The following FGD1 variants were observed in gnomAD, a reference collection of about 807,000 sequenced individuals.
FGD1 encodes FYVE, RhoGEF and PH domain-containing protein 1.
In FGD1, 12 loss-of-function variants were observed where a neutral mutation model predicts 65.0. That is an observed-to-expected ratio of 0.18 (90% CI 0.12 to 0.30). FGD1 has a LOEUF of 0.30. Ranked by LOEUF, FGD1 falls within the 10% of genes least tolerant of loss-of-function variation. FGD1 has a pLI of 1.00. For missense variants in FGD1, 542 were observed against 837.6 expected, an observed-to-expected ratio of 0.65 and a Z score of 4.36; for synonymous variants, 333 against 343.9, an observed-to-expected ratio of 0.97 and a Z score of 0.35.
intron 1 of FGD1, among the ~76,000 whole-genome samples, chrX:54,481,724 T>A (rs1250605548): frequency 9.4e-6 from 1 of 106,209 alleles, no homozygotes; most frequent in Non-Finnish European, 1.9e-5. Context: ...TTTTTTTAGG[T>A]ATAGATGGAC....
chrX:54,457,140 C>G, intron 8 of FGD1, among the ~76,000 whole-genome samples: 1 of 111,495 alleles, frequency 9.0e-6, no homozygotes, highest in Non-Finnish European at 1.9e-5. Flanking sequence ...TTAATAATAA[C>G]AATAATAGTT....
intron 1 of FGD1, among the ~76,000 whole-genome samples, chrX:54,486,229 G>C (rs762640544): frequency 4.6e-5 from 5 of 109,383 alleles, no homozygotes; most frequent in Non-Finnish European, 9.5e-5. Context: ...TGGGATTATG[G>C]GCATGTGCCA....
At position 54,488,744 on chromosome X, in the gene FGD1, C is replaced by T. The variant is rs763377659; in HGVS notation, c.307+6382G>A. Among the ~76,000 whole-genome samples, 86 of 111,196 alleles carry T rather than the reference C, an allele frequency of 7.7e-4. 1 individual carries two copies. Among genetic ancestry groups the T allele is most frequent in the African/African-American group, 2.7e-3 (82 of 30,605 alleles). Reference sequence around the variant, plus strand: ...AGAATAGAGAGCCCAGAAATAAGGCCGCACACCTACAACCATCTAACCTCT... The same window carrying T: ...AGAATAGAGAGCCCAGAAATAAGGCTGCACACCTACAACCATCTAACCTCT... On this transcript the variant is annotated intron_variant, in intron 1 of 17. Transcript: ENST00000375135.
chrX:54,467,652 G>A (rs932268702), intron 6 of FGD1, 132 bp downstream of exon 6: 116 of 733,733 alleles, frequency 1.6e-4, no homozygotes, highest in East Asian at 2.5e-4. Flanking sequence ...CACCGTGCCC[G>A]GCTCTGATTC....
intron 1 of FGD1, among the ~76,000 whole-genome samples, chrX:54,478,746 T>A (rs1010049759): frequency 9.4e-6 from 1 of 106,917 alleles, no homozygotes; most frequent in African/African-American, 3.5e-5. Flanking sequence ...TGGGTTAAAT[T>A]TGAAAACCAA....
intron 8 of FGD1, among the ~76,000 whole-genome samples, chrX:54,462,592 A>G (rs1278177099): frequency 2.8e-5 from 3 of 107,270 alleles, no homozygotes; most frequent in Non-Finnish European, 5.8e-5. Flanking sequence ...GGGTTTCATC[A>G]TCTTGGCCAG....
chrX:54,493,426 AT>A (rs1316360629), intron 1 of FGD1, among the ~76,000 whole-genome samples: 1 of 111,747 alleles, frequency 8.9e-6, no homozygotes, highest in East Asian at 2.8e-4. Context: ...ATAATTTCAG[AT>A]TGTACTAAGT....
At chrX:54,449,791 A>G (rs768678687) in intron 13 of FGD1, 31 bp from the exon 14 acceptor site, 2 of 1,005,672 alleles carry the variant, frequency 2.0e-6, no homozygotes, top group Non-Finnish European at 1.4e-6. Context: ...ATGAGAAGTC[A>G]GATCACCCCA....
intron 8 of FGD1, among the ~76,000 whole-genome samples, chrX:54,457,079 G>A (rs931389149): frequency 4.5e-5 from 5 of 111,368 alleles, no homozygotes; most frequent in African/African-American, 1.6e-4. Context: ...AATAGATGGA[G>A]TAGTTGGCAG....
intron 8 of FGD1, among the ~76,000 whole-genome samples, chrX:54,461,463 C>CGGTGGTG (rs1324739554): frequency 9.4e-6 from 1 of 106,440 alleles, no homozygotes. Context: ...TAGCCGGGCG[C>CGGTGGTG]GGTGGTGGGT....
intron 2 of FGD1, among the ~76,000 whole-genome samples, chrX:54,471,070 C>G (rs1260345300): frequency 9.1e-6 from 1 of 110,164 alleles, no homozygotes; most frequent in African/African-American, 3.3e-5. Context: ...GGCCACAACC[C>G]CTTCCACAAA....
chrX:54,465,815 G>A lies in FGD1; in HGVS notation c.1378C>T (p.Leu460=). Reference sequence around the variant, plus strand: ...CCATACATCTTGAGGAAGGGGGCCAGTTTCTGCAGGATGTCTCCAATGCGT... The same window carrying A: ...CCATACATCTTGAGGAAGGGGGCCAATTTCTGCAGGATGTCTCCAATGCGT... ...YPRIGDILQK[L]APFLKMYGEY... The change falls in exon 7 of 18, where the codon CTG becomes TTG. Residue 460 remains leucine (L), a synonymous_variant. Coordinates refer to ENST00000375135, the MANE Select transcript of FGD1 (RefSeq NM_004463.3). The A allele has an allele frequency of 2.5e-6, 3 of 1,211,776 alleles. No homozygotes were observed. The highest frequency in any genetic ancestry group is 3.4e-6 in the Non-Finnish European group (3 of 895,462).
intron 1 of FGD1, among the ~76,000 whole-genome samples, chrX:54,474,242 C>CA (rs1230261833): frequency 8.9e-6 from 1 of 112,238 alleles, no homozygotes; most frequent in Non-Finnish European, 1.9e-5. Flanking sequence ...TAAATAGTCA[C>CA]ATACAAACTC....
chrX:54,479,830 C>A (rs1370498364), intron 1 of FGD1, among the ~76,000 whole-genome samples: 1 of 110,752 alleles, frequency 9.0e-6, no homozygotes, highest in East Asian at 2.8e-4. Context: ...TCCCACCTGC[C>A]CCTTGAATGT....
chrX:54,471,506 TGGGTGTGAAGTAACTGACTTTAACCCAAA>T lies in FGD1; in HGVS notation c.308-48_308-20del, dbSNP rs768173627. The T allele has an allele frequency of 3.1e-5, 37 of 1,203,304 alleles. No individual in the cohort carries two copies. The highest frequency in any genetic ancestry group is 3.9e-5 in the Non-Finnish European group (35 of 890,809). The stretch of plus-strand genomic sequence containing the variant: ...TGCAGCCCTGCAGGAAGGGAGAAAA[TGGGTGTGAAGTAACTGACTTTAACCCAAA>T]GGGGACTGGGGTTAAAGTTAGGACT... On this transcript the variant is annotated intron_variant, in intron 1 of 17. Coordinates refer to ENST00000375135, the MANE Select transcript of FGD1 (RefSeq NM_004463.3).
At chrX:54,456,122 A>G (rs1922497748) in intron 10 of FGD1, 98 bp downstream of exon 10, 12 of 966,008 alleles carry the variant, frequency 1.2e-5, no homozygotes, top group Non-Finnish European at 1.6e-5. Context: ...TCTTTCAGGA[A>G]TGAAAGGAGG....
intron 1 of FGD1, among the ~76,000 whole-genome samples, chrX:54,488,455 G>A (rs1422435762): frequency 1.3e-4 from 14 of 104,992 alleles, no homozygotes; most frequent in Non-Finnish European, 2.5e-4. Flanking sequence ...CGTGATGGCG[G>A]GTGCCTGTAG....
At chrX:54,454,945 T>C (rs761907805) in intron 12 of FGD1, among the ~76,000 whole-genome samples, 7 of 112,194 alleles carry the variant, frequency 6.2e-5, no homozygotes, top group Non-Finnish European at 1.3e-4. Flanking sequence ...AAGACAGCAA[T>C]AATTTCTCAA....
intron 12 of FGD1, among the ~76,000 whole-genome samples, chrX:54,454,374 G>T (rs1401916125): frequency 8.9e-6 from 1 of 112,029 alleles, no homozygotes; most frequent in African/African-American, 3.2e-5. Context: ...GTAAAGACAG[G>T]CGTAGTGACT....
Sources: allele counts gnomAD v4.1 joint callset (sites outside exome capture counted in the v4.1 genomes callset), GRCh38; gene constraint gnomAD v4.1.1; transcripts MANE v1.5; gene names NCBI Gene and HGNC (gene_info 2026-07-23, HGNC 2026-07-21).